EVC2: variants seen among roughly 807,000 people sequenced by gnomAD.
EVC2 encodes EvC ciliary complex subunit 2.
A neutral mutation model predicts 149.3 loss-of-function variants in EVC2; 148 were observed. The ratio of observed to expected loss-of-function variants is 0.99; its 90% CI spans 0.87 to 1.14. The LOEUF (loss-of-function observed/expected upper bound fraction) is 1.14, where lower values mean the gene tolerates loss of function less well. Ranked by LOEUF, EVC2 falls within the 50% of genes most tolerant of loss-of-function variation. The pLI is 0.00. For synonymous variants in EVC2, 776 were observed against 649.9 expected (o/e 1.19, Z -2.95); for missense variants, 1,854 against 1,627.3 (o/e 1.14, Z -2.40).
chr4:5,638,370 C>G (rs1255147726), intron 10 of EVC2, among the ~76,000 whole-genome samples: 1 of 149,298 alleles, frequency 6.7e-6, no homozygotes, highest in Admixed American at 6.7e-5. Context: ...ATCTGGGTGA[C>G]AGAGTGAGAC....
chr4:5,572,811 T>A (rs187724067), intron 19 of EVC2, among the ~76,000 whole-genome samples: 59 of 152,188 alleles, frequency 3.9e-4, no homozygotes, highest in African/African-American at 1.3e-3. Context: ...GGTGGGGGAA[T>A]CAAAGTTGAG....
At chr4:5,584,482 T>G in intron 17 of EVC2, 141 bp downstream of exon 17, 1 of 839,032 alleles carries the variant, frequency 1.2e-6, no homozygotes, top group Non-Finnish European at 1.9e-6. Flanking sequence ...CTCTCCAATA[T>G]GTCACTTCGT....
At chr4:5,662,505 T>TAAATATAATATTAATATTAAATATAC (rs1560205921) in intron 9 of EVC2, among the ~76,000 whole-genome samples, 2 of 143,268 alleles carry the variant, frequency 1.4e-5, no homozygotes, top group African/African-American at 5.1e-5. Context: ...ATTAAATATA[T>TAAATATAATATTAATATTAAATATAC]TAAATATAAT....
At chr4:5,709,402 C>A (rs1353585202), upstream of EVC2, 2 of 152,294 alleles carry the variant, frequency 1.3e-5, no homozygotes, top group African/African-American at 2.4e-5. Flanking sequence ...TCCTGCGGGG[C>A]AGGCTGTTAG....
chr4:5,661,842 G>A (rs1031589337), intron 9 of EVC2, among the ~76,000 whole-genome samples: 6 of 152,222 alleles, frequency 3.9e-5, no homozygotes, highest in African/African-American at 9.6e-5. Flanking sequence ...CCTTGGGCAA[G>A]TTACTTAACC....
At chr4:5,665,788 C>G in intron 7 of EVC2, 139 bp from the exon 8 acceptor site, 3 of 1,351,774 alleles carry the variant, frequency 2.2e-6, no homozygotes, top group South Asian at 2.5e-5. Flanking sequence ...CTGCCAGCTA[C>G]CAGCTGGCTG....
At chr4:5,540,160 A>G (rs1046427814), downstream of EVC2, among the ~76,000 whole-genome samples, 4 of 152,248 alleles carry the variant, frequency 2.6e-5, no homozygotes, top group Admixed American at 2.6e-4. Flanking sequence ...TAGCATAAGT[A>G]AAATTTAAAA....
chr4:5,559,885 C>T (rs541306911), downstream of EVC2, among the ~76,000 whole-genome samples: 3 of 152,156 alleles, frequency 2.0e-5, no homozygotes, highest in East Asian at 5.8e-4. The surrounding 1 kb of genome is among the most constrained non-coding windows in gnomAD (Gnocchi z 5.0). Flanking sequence ...AGACTTATGT[C>T]CCCATTCCTT....
At chr4:5,568,937 G>C (rs1261566911) in intron 19 of EVC2, among the ~76,000 whole-genome samples, 1 of 152,164 alleles carries the variant, frequency 6.6e-6, no homozygotes, top group African/African-American at 2.4e-5. Flanking sequence ...GATTCAAAAT[G>C]AATGTACTTT....
At chr4:5,659,691 T>C (rs75389604) in intron 9 of EVC2, among the ~76,000 whole-genome samples, 4,823 of 152,250 alleles carry the variant, frequency 0.032, 239 homozygotes, top group African/African-American at 0.11. Flanking sequence ...AACATTCCTA[T>C]TGTACTCAAG....
At chr4:5,647,671 G>A (rs1026073157) in intron 9 of EVC2, among the ~76,000 whole-genome samples, 1 of 152,208 alleles carries the variant, frequency 6.6e-6, no homozygotes, top group African/African-American at 2.4e-5. Context: ...AGACAGAATG[G>A]ATTTCACATC....
chr4:5,703,721 T>A (rs1268183174), intron 1 of EVC2, among the ~76,000 whole-genome samples: 3 of 152,110 alleles, frequency 2.0e-5, no homozygotes, highest in East Asian at 1.9e-4. Flanking sequence ...AGAACACTAT[T>A]TAGGAAAATT....
At chr4:5,690,405 G>GTTTT (rs1165240823) in intron 4 of EVC2, among the ~76,000 whole-genome samples, 1 of 141,604 alleles carries the variant, frequency 7.1e-6, no homozygotes, top group Non-Finnish European at 1.6e-5. Context: ...GTGGGTTGTT[G>GTTTT]TTTTTTTTTT....
At chr4:5,543,305 T>G (rs900926321) in intron 21 of EVC2, 1 of 685,990 alleles carries the variant, frequency 1.5e-6, no homozygotes, top group Non-Finnish European at 2.2e-6. Context: ...GCAGGAGCAC[T>G]CCATAAACAC....
chr4:5,693,752 G>A (rs6446391), intron 3 of EVC2, among the ~76,000 whole-genome samples: 141,745 of 152,336 alleles, frequency 0.93, 66,078 homozygotes, highest in African/African-American at 0.97. Flanking sequence ...AACAGTTCTC[G>A]TACTACGTTA....
At chr4:5,564,686 A>G (rs971805689) in intron 21 of EVC2, among the ~76,000 whole-genome samples, 3 of 152,362 alleles carry the variant, frequency 2.0e-5, no homozygotes, top group Admixed American at 6.5e-5. Flanking sequence ...ACATTGGACA[A>G]TGGTTTGCAG....
chr4:5,693,090 T>C (rs1256618957), intron 3 of EVC2, among the ~76,000 whole-genome samples: 2 of 152,072 alleles, frequency 1.3e-5, no homozygotes, highest in Non-Finnish European at 2.9e-5. Context: ...CTGACCTTCA[T>C]ATAGCATCTT....
At chr4:5,627,970 C>T (rs1393605766) in intron 12 of EVC2, among the ~76,000 whole-genome samples, 4 of 152,098 alleles carry the variant, frequency 2.6e-5, no homozygotes, top group Non-Finnish European at 5.9e-5. Context: ...TCAAAACTGG[C>T]CATGAGTGGG....
chr4:5,646,132 T>C (rs1294366623), intron 9 of EVC2, among the ~76,000 whole-genome samples: 4 of 152,216 alleles, frequency 2.6e-5, no homozygotes, highest in Admixed American at 1.3e-4. Flanking sequence ...GGTTTCATCA[T>C]GTTGGTCAGG....
Sources: allele counts gnomAD v4.1 joint callset (sites outside exome capture counted in the v4.1 genomes callset), GRCh38; gene constraint gnomAD v4.1.1; non-coding constraint Gnocchi (gnomAD v3.1); transcripts MANE v1.5; gene names NCBI Gene and HGNC (gene_info 2026-07-23, HGNC 2026-07-21).